Variants in DNAJC7 observed in about 807,000 individuals in gnomAD.
DNAJC7 encodes dnaJ homolog subfamily C member 7.
A neutral mutation model predicts 67.4 loss-of-function variants in DNAJC7; 18 were observed. The ratio of observed to expected loss-of-function variants is 0.27; its 90% CI spans 0.18 to 0.40. DNAJC7 has a LOEUF of 0.40. Among genes scored for constraint, DNAJC7 ranks in the 10% least tolerant of loss-of-function variants. The pLI is 1.00. For synonymous variants in DNAJC7, 220 were observed against 207.8 expected, an observed-to-expected ratio of 1.06 and a Z score of -0.50; for missense variants, 419 against 613.8, an observed-to-expected ratio of 0.68 and a Z score of 3.35.
chr17:41,983,480 C>T, intron 10 of DNAJC7, 83 bp downstream of exon 10: 1 of 1,254,032 alleles, frequency 8.0e-7, no homozygotes. Context: ...ATCCCTGATC[C>T]CTGAATCAAA....
chr17:41,989,473 C>T lies in DNAJC7; in HGVS notation c.684G>A (p.Lys228=), dbSNP rs199823135. 2 of 1,613,946 alleles carry T rather than the reference C, an allele frequency of 1.2e-6. No homozygotes were observed. Among genetic ancestry groups the T allele is most frequent in the Non-Finnish European group, 1.7e-6 (2 of 1,179,912 alleles). ...GAGCCTGTACGAAAAACTGAACTGCCTTCTCAATACAATCTTCGTAATAAA... is the reference window on the plus strand; with the variant it reads ...GAGCCTGTACGAAAAACTGAACTGCTTTCTCAATACAATCTTCGTAATAAA... The part of the protein sequence containing the change: ...LCLYYEDCIE[K]AVQFFVQALR... The change falls in exon 7 of 14, where the codon AAG becomes AAA. Residue 228 remains lysine, a synonymous_variant. Coordinates refer to ENST00000457167, the MANE Select transcript of DNAJC7 (RefSeq NM_003315.4).
chr17:41,977,276 C>A lies in DNAJC7; in HGVS notation c.1432G>T (p.Gly478Cys). 1 of 1,582,390 alleles carries A rather than the reference C, an allele frequency of 6.3e-7. No homozygotes were observed. Among genetic ancestry groups the A allele is most frequent in the Non-Finnish European group, 8.6e-7 (1 of 1,164,394 alleles). Residue 478 changes from glycine (G) to cysteine (C), a missense_variant, in exon 13 of 14, where the codon GGC becomes TGC. Coordinates refer to ENST00000457167, the MANE Select transcript of DNAJC7 (RefSeq NM_003315.4). Reference sequence around the variant, plus strand: ...GCCCACCTACCTTCAAAGCTGAAGCCGCCAGGACCGCCAAAGAATGCCTTG... The same window carrying A: ...GCCCACCTACCTTCAAAGCTGAAGCAGCCAGGACCGCCAAAGAATGCCTTG... The part of the protein sequence containing the change: ...IFKAFFGGPG[G>C]FSFEASGPGN...
intron 9 of DNAJC7, among the ~76,000 whole-genome samples, chr17:41,986,797 A>G (rs1183607011): frequency 6.6e-6 from 1 of 152,186 alleles, no homozygotes; most frequent in Non-Finnish European, 1.5e-5. Context: ...AGCATCACAC[A>G]CAGCAGCAGT....
chr17:42,006,796 CAAAAAAAAAA>C (rs57155070), intron 1 of DNAJC7, among the ~76,000 whole-genome samples: 2 of 23,334 alleles, frequency 8.6e-5, no homozygotes, highest in African/African-American at 4.2e-4. Flanking sequence ...GACTCCGTCT[CAAAAAAAAAA>C]AAAAAAAAAA....
chr17:41,988,014 C>T (rs1012841536), intron 8 of DNAJC7, 104 bp from the exon 9 acceptor site: 8 of 905,248 alleles, frequency 8.8e-6, no homozygotes, highest in Admixed American at 7.0e-5. Context: ...GTCATGCTGG[C>T]CCCTTAAATG....
intron 1 of DNAJC7, among the ~76,000 whole-genome samples, chr17:42,003,852 T>A (rs758307889): frequency 2.0e-5 from 3 of 151,860 alleles, no homozygotes; most frequent in African/African-American, 7.3e-5. Flanking sequence ...CAGCAAAATA[T>A]AGACTTGGCC....
chr17:42,017,001 G>GT (rs2052316953), intron 1 of DNAJC7: 3 of 1,285,756 alleles, frequency 2.3e-6, no homozygotes, highest in Non-Finnish European at 3.0e-6. Flanking sequence ...CGGGGGCGAT[G>GT]TAAGGAAGTC....
intron 10 of DNAJC7, 75 bp downstream of exon 10, chr17:41,983,488 A>C: frequency 7.5e-7 from 1 of 1,336,310 alleles, no homozygotes; most frequent in South Asian, 1.3e-5. Flanking sequence ...TCCCTGAATC[A>C]AACTACCTTG....
chr17:41,989,632 T>A (rs1315982524), intron 6 of DNAJC7, 75 bp from the exon 7 acceptor site: 2 of 1,561,890 alleles, frequency 1.3e-6, no homozygotes, highest in African/African-American at 2.7e-5. Context: ...TGTGGCCAGT[T>A]TTCCTCCTTG....
chr17:41,978,711 A>AAAAAT (rs1328005281), intron 12 of DNAJC7, among the ~76,000 whole-genome samples: 11 of 152,056 alleles, frequency 7.2e-5, no homozygotes, highest in African/African-American at 2.7e-4. Context: ...AAATAAAAAT[A>AAAAAT]AAAATAAAAT....
chr17:42,003,145 A>C (rs1435841826), intron 1 of DNAJC7, among the ~76,000 whole-genome samples: 1 of 152,244 alleles, frequency 6.6e-6, no homozygotes, highest in African/African-American at 2.4e-5. Context: ...ATCAGGCCAG[A>C]ATTAGCTATT....
intron 10 of DNAJC7, 133 bp from the exon 11 acceptor site, chr17:41,982,534 G>A (rs1428450627): frequency 1.7e-6 from 2 of 1,192,220 alleles, no homozygotes; most frequent in Non-Finnish European, 2.3e-6. Flanking sequence ...TTCTTCTGGA[G>A]ATTAGAAAAA....
At chr17:42,001,822 A>G (rs1414430903) in intron 1 of DNAJC7, among the ~76,000 whole-genome samples, 1 of 152,136 alleles carries the variant, frequency 6.6e-6, no homozygotes. Context: ...TATTGAGGTG[A>G]TCCTCCCTCT....
chr17:41,982,546 A>T, intron 10 of DNAJC7, 145 bp from the exon 11 acceptor site: 1 of 1,095,440 alleles, frequency 9.1e-7, no homozygotes, highest in Non-Finnish European at 1.3e-6. Context: ...TTAGAAAAAA[A>T]ATCTACTCGG....
At chr17:42,004,259 A>G (rs541822920) in intron 1 of DNAJC7, among the ~76,000 whole-genome samples, 1 of 152,294 alleles carries the variant, frequency 6.6e-6, no homozygotes, top group Admixed American at 6.5e-5. Flanking sequence ...CGCCTGGCCA[A>G]GATTTTCAAA....
At chr17:41,991,658 TA>T (rs1598130012) in intron 5 of DNAJC7, among the ~76,000 whole-genome samples, 2 of 152,272 alleles carry the variant, frequency 1.3e-5, no homozygotes, top group South Asian at 2.1e-4. Flanking sequence ...CATCACTGAA[TA>T]TTTTTCATAC....
chr17:41,996,192 G>C (rs1467757653), intron 4 of DNAJC7, 119 bp downstream of exon 4: 9 of 945,120 alleles, frequency 9.5e-6, no homozygotes, highest in African/African-American at 5.0e-5. Flanking sequence ...CTCGCCTAAA[G>C]TCACCCAGGT....
At chr17:42,002,956 C>A (rs1218850279) in intron 1 of DNAJC7, among the ~76,000 whole-genome samples, 1 of 152,146 alleles carries the variant, frequency 6.6e-6, no homozygotes, top group Admixed American at 6.6e-5. Flanking sequence ...CTTTAAGATG[C>A]AAGACCTAGT....
intron 1 of DNAJC7, chr17:42,017,135 C>T (rs2052322774): frequency 6.8e-7 from 1 of 1,476,590 alleles, no homozygotes; most frequent in Non-Finnish European, 8.9e-7. Flanking sequence ...GCCTCAGCTC[C>T]TACGCCAGGC....
Sources: gnomAD v4.1 joint callset for allele counts (sites outside exome capture counted in the v4.1 genomes callset) on GRCh38, gnomAD v4.1.1 for gene constraint, MANE v1.5 for transcripts, NCBI Gene and HGNC (gene_info 2026-07-23, HGNC 2026-07-21) for gene names.